Variants in EYS observed in about 807,000 individuals in gnomAD.
EYS encodes the protein protein eyes shut homolog.
A neutral mutation model predicts 282.1 loss-of-function variants in EYS; 250 were observed. The ratio of observed to expected loss-of-function variants is 0.89; its 90% CI spans 0.80 to 0.98. The LOEUF (loss-of-function observed/expected upper bound fraction) is 0.98, where lower values mean the gene tolerates loss of function less well. EYS is among the 50% of genes least tolerant of loss of function. The probability of loss-of-function intolerance (pLI) is 0.00; values close to 1 mark genes in which losing one functional copy is unlikely to be tolerated. For synonymous variants in EYS, 1,355 were observed against 1,282.9 expected (o/e 1.06, Z -1.20); for missense variants, 4,016 against 3,709.0 (o/e 1.08, Z -2.15).
chr6:65,680,086 T>TCACACACACACACACACA (rs10650454), intron 1 of EYS, among the ~76,000 whole-genome samples: 1 of 147,282 alleles, frequency 6.8e-6, no homozygotes, highest in African/African-American at 2.5e-5. Flanking sequence ...TCCTAAATTT[T>TCACACACACACACACACA]CACACACACA....
At chr6:64,091,529 A>G (rs985793273) in intron 31 of EYS, among the ~76,000 whole-genome samples, 4 of 152,172 alleles carry the variant, frequency 2.6e-5, no homozygotes, top group Non-Finnish European at 5.9e-5. Context: ...AAGAAAGGGC[A>G]TGCAGGACTG....
chr6:65,434,487 A>T (rs1768000299), intron 5 of EYS, among the ~76,000 whole-genome samples: 1 of 151,950 alleles, frequency 6.6e-6, no homozygotes, highest in East Asian at 1.9e-4. Flanking sequence ...CGCCCAGCTA[A>T]ATTTTTGTAT....
intron 22 of EYS, among the ~76,000 whole-genome samples, chr6:64,717,679 C>T (rs565951143): frequency 6.6e-6 from 1 of 152,248 alleles, no homozygotes; most frequent in Non-Finnish European, 1.5e-5. Context: ...CTGCTTACTT[C>T]AAAAAGAGTG....
intron 12 of EYS, among the ~76,000 whole-genome samples, chr6:65,076,567 A>G (rs1459294084): frequency 2.0e-5 from 3 of 152,050 alleles, no homozygotes; most frequent in African/African-American, 7.2e-5. Flanking sequence ...TTACACATCT[A>G]GAAAGCAACA....
intron 2 of EYS, among the ~76,000 whole-genome samples, chr6:65,503,506 T>C (rs954806623): frequency 6.6e-6 from 1 of 151,684 alleles, no homozygotes; most frequent in African/African-American, 2.4e-5. Context: ...CGGTGTTGTA[T>C]CAAAAAATGT....
chr6:65,282,833 T>C (rs1479171863), intron 12 of EYS, among the ~76,000 whole-genome samples: 2 of 151,984 alleles, frequency 1.3e-5, no homozygotes, highest in African/African-American at 4.8e-5. Context: ...TACAGTAGCA[T>C]TTGTATACTG....
chr6:64,660,003 C>G (rs1768932606), intron 22 of EYS, among the ~76,000 whole-genome samples: 1 of 152,166 alleles, frequency 6.6e-6, no homozygotes. Context: ...TACTGGCAAA[C>G]TGAATCCAGC....
At chr6:65,103,080 T>C (rs1032021837) in intron 12 of EYS, among the ~76,000 whole-genome samples, 2 of 151,340 alleles carry the variant, frequency 1.3e-5, no homozygotes, top group Non-Finnish European at 3.0e-5. Flanking sequence ...TGGAAACTTA[T>C]TAGAAAAGCA....
chr6:64,055,719 T>C (rs1192032018), intron 33 of EYS, among the ~76,000 whole-genome samples: 1 of 152,184 alleles, frequency 6.6e-6, no homozygotes, highest in Non-Finnish European at 1.5e-5. Flanking sequence ...GATGAGTATT[T>C]AGCTGTTCTT....
At chr6:65,672,343 A>G (rs1185876341) in intron 1 of EYS, among the ~76,000 whole-genome samples, 1 of 152,140 alleles carries the variant, frequency 6.6e-6, no homozygotes, top group African/African-American at 2.4e-5. Flanking sequence ...TCATTAGTGG[A>G]GACAGACACC....
intron 35 of EYS, among the ~76,000 whole-genome samples, chr6:63,912,982 G>T (rs1764308295): frequency 6.6e-6 from 1 of 152,124 alleles, no homozygotes; most frequent in South Asian, 2.1e-4. Context: ...ATACAGTGAG[G>T]TTAGCAGATA....
intron 28 of EYS, among the ~76,000 whole-genome samples, chr6:64,425,657 GAAAAAAAAAA>G (rs34577912): frequency 1.5e-5 from 1 of 67,848 alleles, no homozygotes; most frequent in South Asian, 5.6e-4. Context: ...TCCATCCCAG[GAAAAAAAAAA>G]AAAAAAAAAA....
At chr6:65,111,181 T>C (rs1385052378) in intron 12 of EYS, among the ~76,000 whole-genome samples, 2 of 152,072 alleles carry the variant, frequency 1.3e-5, no homozygotes, top group East Asian at 3.9e-4. Flanking sequence ...CATTGTTGAG[T>C]TTGGCGTATA....
intron 35 of EYS, among the ~76,000 whole-genome samples, chr6:63,906,092 G>A (rs918456020): frequency 4.6e-5 from 7 of 152,178 alleles, no homozygotes; most frequent in South Asian, 2.1e-4. Flanking sequence ...ACTATGCTGC[G>A]TCAATCTCTA....
chr6:65,109,497 T>C (rs1333283758), intron 12 of EYS, among the ~76,000 whole-genome samples: 1 of 151,950 alleles, frequency 6.6e-6, no homozygotes, highest in East Asian at 1.9e-4. Flanking sequence ...ATTACAAGAG[T>C]TGTCTTGAGT....
intron 2 of EYS, among the ~76,000 whole-genome samples, chr6:65,538,903 T>C (rs746982482): frequency 3.9e-5 from 6 of 152,170 alleles, no homozygotes; most frequent in African/African-American, 7.2e-5. Context: ...TGCAAAGATA[T>C]ATGCCATCCT....
At chr6:64,583,868 A>T (rs956039399) in intron 26 of EYS, among the ~76,000 whole-genome samples, 14 of 152,152 alleles carry the variant, frequency 9.2e-5, no homozygotes, top group African/African-American at 2.9e-4. Flanking sequence ...TACTGTAGAA[A>T]TGTGATTAAT....
At chr6:64,641,253 T>C (rs1287455441) in intron 22 of EYS, among the ~76,000 whole-genome samples, 1 of 152,128 alleles carries the variant, frequency 6.6e-6, no homozygotes, top group Non-Finnish European at 1.5e-5. Flanking sequence ...AGAGAGTTTG[T>C]ACAGGGAAAC....
Position 64,997,572 on chromosome 6 carries a change from G to C in EYS, c.2259+10C>G, listed in dbSNP as rs78511049. 5.8e-6 allele frequency: 9 copies of C among 1,550,036 alleles called. No individual in the cohort carries two copies. The highest frequency in any genetic ancestry group is 7.0e-6 in the Non-Finnish European group (8 of 1,145,808). On this transcript the variant is annotated intron_variant, in intron 14 of 42. Transcript: ENST00000503581. ...ACATTTAGGTATATAAAAAGCCAGT[G>C]GATACTAACGAGATGCAGGTCTTTG...
Sources: gnomAD v4.1 joint callset for allele counts (sites outside exome capture counted in the v4.1 genomes callset) on GRCh38, gnomAD v4.1.1 for gene constraint, MANE v1.5 for transcripts, NCBI Gene and HGNC (gene_info 2026-07-23, HGNC 2026-07-21) for gene names.